The following TP53BP2 variants were observed in gnomAD, a reference collection of about 807,000 sequenced individuals.
TP53BP2 encodes the protein tumor protein p53 binding protein 2.
TP53BP2 carries 62 observed loss-of-function variants against 126.2 expected under a neutral mutation model. The observed-to-expected ratio is 0.49, with a 90% CI of 0.40 to 0.61. TP53BP2 has a LOEUF of 0.61. Ranked by LOEUF, TP53BP2 falls within the 20% of genes least tolerant of loss-of-function variation. The pLI, the probability that TP53BP2 is intolerant of heterozygous loss-of-function variation, is 0.00. For synonymous variants in TP53BP2, 485 were observed against 502.9 expected (o/e 0.96, Z 0.48); for missense variants, 1,215 against 1,402.8 (o/e 0.87, Z 2.14).
chr1:223,821,191 T>TAA, intron 2 of TP53BP2, 29 bp downstream of exon 2: 5 of 1,613,740 alleles, frequency 3.1e-6, no homozygotes, highest in Non-Finnish European at 4.2e-6. Flanking sequence ...ACAGAAGAAC[T>TAA]AAAGCACGAG....
chr1:223,827,831 G>T (rs1273586399), intron 1 of TP53BP2, among the ~76,000 whole-genome samples: 1 of 151,918 alleles, frequency 6.6e-6, no homozygotes, highest in Non-Finnish European at 1.5e-5. Flanking sequence ...AGAGAGGCTG[G>T]TTTCACTAAC....
In TP53BP2 at chr1:223,796,724, A is replaced by C. The variant is rs1435403429; in HGVS notation, c.1949-134T>G. The C allele has an allele frequency of 3.9e-6, 3 of 777,420 alleles. No individual in the cohort carries two copies. The highest frequency in any genetic ancestry group is 5.6e-6 in the Non-Finnish European group (3 of 531,270). 48.2% of individuals were successfully genotyped at this position (777,420 alleles called of 1,614,324 possible). Reference sequence around the variant, plus strand: ...TTACTACATAATCCCCTTCAAATATAATTAATTTTTAAAAATAAATGACAA... The same window carrying C: ...TTACTACATAATCCCCTTCAAATATCATTAATTTTTAAAAATAAATGACAA... On this transcript the variant is annotated intron_variant, in intron 12 of 17. Transcript: ENST00000343537. The surrounding 1 kb of genome is among the most constrained non-coding windows in gnomAD (Gnocchi z 4.2).
At chr1:223,787,668 C>T (rs1222131328) in intron 16 of TP53BP2, among the ~76,000 whole-genome samples, 4 of 151,976 alleles carry the variant, frequency 2.6e-5, no homozygotes, top group African/African-American at 4.8e-5. Flanking sequence ...CCTAAGCTCA[C>T]GAGTTTGAGA....
chr1:223,802,133 G>GC lies in TP53BP2; in HGVS notation c.1207dup (p.Ala403GlyfsTer6). The GC allele has an allele frequency of 6.2e-7, 1 of 1,614,148 alleles. No homozygotes were observed. The highest frequency in any genetic ancestry group is 8.5e-7 in the Non-Finnish European group (1 of 1,180,010). ...CTTTTTACCTTTAGTTTGTGAAGCA[G>GC]CCCCAGATCTCATGTTGGGCAGTGT... On this transcript the variant is annotated frameshift_variant, in exon 9 of 18. Transcript: ENST00000343537. LOFTEE classifies it high-confidence loss of function.
chr1:223,836,884 C>G (rs1663939862), intron 1 of TP53BP2, among the ~76,000 whole-genome samples: 1 of 151,994 alleles, frequency 6.6e-6, no homozygotes, highest in Non-Finnish European at 1.5e-5. Flanking sequence ...CAAGCAAAAC[C>G]TACCAGAGAA....
intron 1 of TP53BP2, 93 bp downstream of exon 1, chr1:223,845,561 T>G (rs1363887809): frequency 7.5e-6 from 10 of 1,331,364 alleles, no homozygotes; most frequent in Non-Finnish European, 8.8e-6. Flanking sequence ...GCCCCCAGGC[T>G]CCTTCCCCGA....
chr1:223,793,555 A>T, intron 13 of TP53BP2, 115 bp from the exon 14 acceptor site: 1 of 1,089,338 alleles, frequency 9.2e-7, no homozygotes, highest in Non-Finnish European at 1.3e-6. Context: ...TTAACAATAT[A>T]GATTTGGCAC....
intron 14 of TP53BP2, 32 bp downstream of exon 14, chr1:223,793,271 C>CA (rs753407946): frequency 0.019 from 21,309 of 1,097,726 alleles, no homozygotes; most frequent in South Asian, 0.033. Context: ...GACTCTGACT[C>CA]AAAAAAAAAA....
At chr1:223,824,430 T>C (rs1424361469) in intron 1 of TP53BP2, among the ~76,000 whole-genome samples, 2 of 152,338 alleles carry the variant, frequency 1.3e-5, no homozygotes, top group East Asian at 1.9e-4. Flanking sequence ...TTAGTAATTG[T>C]ACTGCAGTCC....
chr1:223,831,476 AAAAAATATATATATATATATATATAT>A (rs1487985107), intron 1 of TP53BP2, among the ~76,000 whole-genome samples: 1 of 50,226 alleles, frequency 2.0e-5, no homozygotes, highest in Non-Finnish European at 3.8e-5. Context: ...TAAAAAAAAA[AAAAAATATATATATATATATATATAT>A]ATATATATAT....
Position 223,814,319 on chromosome 1 carries a change from A to G in TP53BP2, c.210T>C (p.Asp70=). The change falls in exon 3 of 18, where the codon GAT becomes GAC. Residue 70 remains aspartate, a synonymous_variant. Coordinates refer to ENST00000343537, the MANE Select transcript of TP53BP2 (RefSeq NM_001031685.3). ...TCTGACTTCCAAATCGTTGAAGAAC[A>G]TCAAACATTCGCTCATTATCCGCAA... ...RPVADNERMF[D]VLQRFGSQRN... The G allele has an allele frequency of 6.2e-7, 1 of 1,613,918 alleles. No homozygotes were observed. The highest frequency in any genetic ancestry group is 8.5e-7 in the Non-Finnish European group (1 of 1,179,804).
chr1:223,793,472 C>A, intron 13 of TP53BP2, 32 bp from the exon 14 acceptor site: 3 of 1,521,668 alleles, frequency 2.0e-6, no homozygotes, highest in Admixed American at 2.2e-5. Context: ...AATTTAGGAT[C>A]CTCGTCTATG....
intron 8 of TP53BP2, 150 bp downstream of exon 8, chr1:223,802,581 A>G: frequency 9.7e-7 from 1 of 1,032,722 alleles, no homozygotes; most frequent in Non-Finnish European, 1.4e-6. Flanking sequence ...GTAAAAAAGC[A>G]GCGGATTGTC....
chr1:223,800,182 A>G (rs1662481686), intron 10 of TP53BP2, 135 bp from the exon 11 acceptor site: 1 of 878,074 alleles, frequency 1.1e-6, no homozygotes, highest in African/African-American at 1.7e-5. Context: ...AATTAAACTA[A>G]TAAAAGGATA....
chr1:223,820,885 T>G (rs1208945924), intron 2 of TP53BP2, among the ~76,000 whole-genome samples: 1 of 152,082 alleles, frequency 6.6e-6, no homozygotes, highest in Non-Finnish European at 1.5e-5. Flanking sequence ...CTACAGAAAT[T>G]GAGAGAAGGC....
In TP53BP2 at chr1:223,802,283, A is replaced by G. The variant is rs772734059; in HGVS notation, c.1058T>C (p.Val353Ala). ...AGTAGACGACTGGATATAGGGACCT[A>G]CTGCAGCCACACGGCTTGGGGCTGA... ...AASAPSRVAA[V>A]GPYIQSSTMP... The change falls in exon 9 of 18, where the codon GTA becomes GCA. Residue 353 changes from valine (V) to alanine (A), a missense_variant. Transcript: ENST00000343537. 6.2e-7 allele frequency: 1 copy of G among 1,614,228 alleles called. No homozygotes were observed. The highest frequency in any genetic ancestry group is 1.1e-5 in the South Asian group (1 of 91,086).
At chr1:223,838,367 C>T (rs1663991086) in intron 1 of TP53BP2, among the ~76,000 whole-genome samples, 1 of 152,172 alleles carries the variant, frequency 6.6e-6, no homozygotes, top group Non-Finnish European at 1.5e-5. Context: ...GAATGAAAAG[C>T]AATGATTTAA....
intron 13 of TP53BP2, 114 bp from the exon 14 acceptor site, chr1:223,793,554 T>C (rs1231915597): frequency 3.7e-6 from 4 of 1,094,768 alleles, no homozygotes; most frequent in South Asian, 5.0e-5. Flanking sequence ...TTTAACAATA[T>C]AGATTTGGCA....
chr1:223,813,609 G>A (rs1469761265), intron 3 of TP53BP2, among the ~76,000 whole-genome samples: 1 of 151,936 alleles, frequency 6.6e-6, no homozygotes, highest in Non-Finnish European at 1.5e-5. Flanking sequence ...CTAGACAATT[G>A]CCTAGAAAAA....
Sources: gnomAD v4.1 joint callset for allele counts (sites outside exome capture counted in the v4.1 genomes callset) on GRCh38, gnomAD v4.1.1 for gene constraint, Gnocchi (gnomAD v3.1) non-coding constraint, MANE v1.5 for transcripts, NCBI Gene and HGNC (gene_info 2026-07-23, HGNC 2026-07-21) for gene names.